Variants in OCA2 observed in about 807,000 individuals in gnomAD.
OCA2 encodes the protein P protein.
OCA2 carries 77 observed loss-of-function variants against 100.2 expected under a neutral mutation model. The observed-to-expected ratio is 0.77, with a 90% CI of 0.64 to 0.93. OCA2 has a LOEUF of 0.93. Ranked by LOEUF, OCA2 falls within the 40% of genes least tolerant of loss-of-function variation. OCA2 has a pLI of 0.00. For missense variants in OCA2, 1,062 were observed against 1,089.1 expected, an observed-to-expected ratio of 0.98 and a Z score of 0.35; for synonymous variants, 432 against 439.2, an observed-to-expected ratio of 0.98 and a Z score of 0.21.
chr15:27,796,895 C>T (rs937271591), intron 23 of OCA2, among the ~76,000 whole-genome samples: 4 of 152,154 alleles, frequency 2.6e-5, no homozygotes, highest in African/African-American at 4.8e-5. Context: ...AGCCCTGGGC[C>T]CTGGAGCTCT....
chr15:27,911,505 A>C (rs914253861), intron 19 of OCA2, among the ~76,000 whole-genome samples: 4 of 152,210 alleles, frequency 2.6e-5, no homozygotes, highest in Non-Finnish European at 4.4e-5. Flanking sequence ...CAGCATCTGC[A>C]TCTGACGAGG....
chr15:27,752,056 A>C (rs543868240), downstream of OCA2, among the ~76,000 whole-genome samples: 230 of 152,346 alleles, frequency 1.5e-3, 2 homozygotes, highest in African/African-American at 5.3e-3. Context: ...GAAGTGGCTC[A>C]GATTCCCATG....
chr15:27,861,662 G>A (rs1384853354), intron 21 of OCA2, among the ~76,000 whole-genome samples: 8 of 152,120 alleles, frequency 5.3e-5, no homozygotes, highest in Non-Finnish European at 5.9e-5. Flanking sequence ...TCTCGAGGGC[G>A]GGCACTAGTC....
chr15:27,898,626 A>G (rs991362204), intron 19 of OCA2, among the ~76,000 whole-genome samples: 2 of 152,224 alleles, frequency 1.3e-5, no homozygotes, highest in African/African-American at 4.8e-5. Context: ...AAAGCCAGTA[A>G]CTGAATAAAA....
intron 23 of OCA2, among the ~76,000 whole-genome samples, chr15:27,781,188 A>T (rs192540887): frequency 2.6e-5 from 4 of 152,332 alleles, no homozygotes; most frequent in Admixed American, 2.0e-4. Flanking sequence ...GTACTCACAG[A>T]TCCCATCTCT....
At chr15:27,890,345 CAAG>C (rs1469602293) in intron 19 of OCA2, among the ~76,000 whole-genome samples, 1 of 152,138 alleles carries the variant, frequency 6.6e-6, no homozygotes, top group Admixed American at 6.5e-5. Context: ...CCTACAAATT[CAAG>C]AAGATGAACA....
At chr15:27,819,327 G>A (rs909996395) in intron 23 of OCA2, among the ~76,000 whole-genome samples, 3 of 152,176 alleles carry the variant, frequency 2.0e-5, no homozygotes, top group Non-Finnish European at 4.4e-5. Flanking sequence ...GTCAAACAAC[G>A]ATGTCTAGGA....
At chr15:27,728,525 C>T in the OCA2 span, among the ~76,000 whole-genome samples, 121 of 152,322 alleles carry the variant, frequency 7.9e-4, no homozygotes, top group African/African-American at 2.8e-3. Flanking sequence ...CAAGCTGGCA[C>T]TGTTCCTGCT....
intron 18 of OCA2, among the ~76,000 whole-genome samples, chr15:27,950,115 T>C (rs1286722131): frequency 1.3e-5 from 2 of 152,236 alleles, no homozygotes; most frequent in Non-Finnish European, 2.9e-5. Flanking sequence ...ACTTTAAGTA[T>C]TAAAGTATTG....
At chr15:27,877,578 A>G (rs2036842924) in intron 19 of OCA2, among the ~76,000 whole-genome samples, 1 of 151,890 alleles carries the variant, frequency 6.6e-6, no homozygotes, top group Non-Finnish European at 1.5e-5. Context: ...ATTATTTCCA[A>G]TTACATTATG....
intron 18 of OCA2, among the ~76,000 whole-genome samples, chr15:27,947,705 T>G (rs1567140952): frequency 1.3e-5 from 2 of 152,134 alleles, no homozygotes; most frequent in African/African-American, 4.8e-5. Flanking sequence ...CAGTAAACAT[T>G]CCTTCTTGCT....
intron 21 of OCA2, among the ~76,000 whole-genome samples, chr15:27,865,004 C>T (rs917194690): frequency 1.3e-5 from 2 of 151,300 alleles, no homozygotes; most frequent in East Asian, 2.0e-4. Context: ...ATTGGTTAAA[C>T]GTCTCCATGC....
intron 4 of OCA2, among the ~76,000 whole-genome samples, chr15:28,025,459 C>T (rs1465773103): frequency 6.6e-6 from 1 of 152,182 alleles, no homozygotes; most frequent in South Asian, 2.1e-4. Flanking sequence ...AAAGCCATCC[C>T]GGCCCCCTTA....
intron 21 of OCA2, among the ~76,000 whole-genome samples, chr15:27,855,176 T>C (rs936844977): frequency 6.6e-6 from 1 of 152,224 alleles, no homozygotes; most frequent in African/African-American, 2.4e-5. Context: ...CGCAACTCTG[T>C]GGCCTGTCCT....
At chr15:27,858,090 G>A (rs1358418146) in intron 21 of OCA2, among the ~76,000 whole-genome samples, 3 of 151,900 alleles carry the variant, frequency 2.0e-5, no homozygotes, top group African/African-American at 7.2e-5. Flanking sequence ...AGAAATACAT[G>A]GCAGAGTAAT....
At chr15:27,936,788 CCAAAGCTCGG>C (rs1567127957) in intron 18 of OCA2, among the ~76,000 whole-genome samples, 2 of 152,158 alleles carry the variant, frequency 1.3e-5, no homozygotes, top group African/African-American at 4.8e-5. Flanking sequence ...AGCTGCAACA[CCAAAGCTCGG>C]AGTGAAGCTA....
At chr15:27,871,816 T>A in intron 20 of OCA2, 47 bp downstream of exon 20, 1 of 1,277,402 alleles carries the variant, frequency 7.8e-7, no homozygotes, top group Non-Finnish European at 1.1e-6. Flanking sequence ...TTTCACAAAA[T>A]CAAAGAACAG....
At position 27,868,526 on chromosome 15, in the gene OCA2, G is replaced by A. The variant is rs577321909; in HGVS notation, c.2244+2628C>T. 2.4e-4 allele frequency among the ~76,000 whole-genome samples: 37 copies of A among 152,190 alleles called. No individual in the cohort carries two copies. The South Asian group carries it at 6.9e-3, about 28-fold the overall frequency. On this transcript the variant is annotated intron_variant, in intron 21 of 23. Transcript: ENST00000354638. Reference sequence around the variant, plus strand: ...TGGAATCTAAAATCGTCACGCTCACGGAAGCAGAGAGTAGAATGGTGGCTG... The same window carrying A: ...TGGAATCTAAAATCGTCACGCTCACAGAAGCAGAGAGTAGAATGGTGGCTG...
rs368772032 is a variant in OCA2 at position 27,851,481 on chromosome 15, G to C, written c.2245-6C>G. On this transcript the variant is annotated splice_polypyrimidine_tract_variant and splice_region_variant and intron_variant, in intron 21 of 23. Transcript: ENST00000354638. ...AGGTTCAGGAGCACGGGAATCTGTG[G>C]AGGAAGAGGACATTGATGCCACGTC... is the stretch of plus-strand genomic sequence containing the variant. The C allele has an allele frequency of 3.1e-6, 5 of 1,611,552 alleles. No individual in the cohort carries two copies. The East Asian group carries it at 1.1e-4, about 36-fold the overall frequency.
Sources: gnomAD v4.1 joint callset for allele counts (sites outside exome capture counted in the v4.1 genomes callset) on GRCh38, gnomAD v4.1.1 for gene constraint, MANE v1.5 for transcripts, NCBI Gene and HGNC (gene_info 2026-07-23, HGNC 2026-07-21) for gene names.